Variants in TENM1 observed in about 807,000 individuals in gnomAD.
TENM1 encodes the protein teneurin transmembrane protein 1, also known as teneurin-1.
Under a neutral mutation model 174.8 loss-of-function variants are expected in TENM1, and 35 were observed. The ratio of observed to expected loss-of-function variants is 0.20; its 90% CI spans 0.15 to 0.27. The LOEUF is 0.27. TENM1 is among the 10% of genes least tolerant of loss of function. The pLI is 1.00. For missense variants in TENM1, 1,633 were observed against 2,130.1 expected, an observed-to-expected ratio of 0.77 and a Z score of 4.59; for synonymous variants, 781 against 798.7, an observed-to-expected ratio of 0.98 and a Z score of 0.37.
At chrX:124,714,376 T>C (rs1038593535) in intron 4 of TENM1, among the ~76,000 whole-genome samples, 2 of 112,262 alleles carry the variant, frequency 1.8e-5, no homozygotes, top group African/African-American at 6.5e-5. Flanking sequence ...TATTTTAAAA[T>C]CCATGCCTAC....
chrX:125,104,620 A>G, the TENM1 span, among the ~76,000 whole-genome samples: 1 of 97,203 alleles, frequency 1.0e-5, no homozygotes, highest in Non-Finnish European at 2.0e-5. Flanking sequence ...GACCCACTAA[A>G]GGGAAGAGCC....
At chrX:124,620,518 G>A (rs1388116472) in intron 11 of TENM1, among the ~76,000 whole-genome samples, 2 of 111,811 alleles carry the variant, frequency 1.8e-5, no homozygotes, top group African/African-American at 6.5e-5. Context: ...ACTTTCTAAT[G>A]TAAATTAAAA....
At chrX:124,952,359 TG>T (rs1205030989) in intron 1 of TENM1, among the ~76,000 whole-genome samples, 4 of 110,201 alleles carry the variant, frequency 3.6e-5, no homozygotes. Flanking sequence ...TGTGTGTGTG[TG>T]TGTGTGTGTA....
intron 3 of TENM1, among the ~76,000 whole-genome samples, chrX:124,764,662 G>C (rs928196267): frequency 9.5e-6 from 1 of 105,449 alleles, no homozygotes; most frequent in African/African-American, 3.5e-5. Flanking sequence ...ACATTTTTGA[G>C]GTATGCTTTG....
At chrX:124,791,194 G>T (rs1569445483) in intron 3 of TENM1, among the ~76,000 whole-genome samples, 1 of 111,741 alleles carries the variant, frequency 8.9e-6, no homozygotes, top group Non-Finnish European at 1.9e-5. Context: ...TCTGTTTTTA[G>T]TCCTATTCAC....
intron 1 of TENM1, among the ~76,000 whole-genome samples, chrX:124,944,340 A>C (rs1215760898): frequency 9.0e-6 from 1 of 111,687 alleles, no homozygotes. Flanking sequence ...AAGCATCCTG[A>C]TTAAAAAGCT....
intron 1 of TENM1, among the ~76,000 whole-genome samples, chrX:124,939,255 G>T (rs2058290706): frequency 9.0e-6 from 1 of 111,566 alleles, no homozygotes. Context: ...CCTTGACAAA[G>T]ACCACAAGAT....
intron 3 of TENM1, among the ~76,000 whole-genome samples, chrX:124,816,824 TTTATTA>T (rs1248284745): frequency 1.8e-5 from 2 of 111,239 alleles, no homozygotes; most frequent in Non-Finnish European, 3.8e-5. Flanking sequence ...TCTTTTTATT[TTTATTA>T]TTATTTTTAA....
chrX:124,508,521 A>C (rs765753970), intron 18 of TENM1, among the ~76,000 whole-genome samples: 14 of 112,209 alleles, frequency 1.2e-4, no homozygotes, highest in Admixed American at 8.5e-4. Flanking sequence ...GCAATCCCTG[A>C]CTTAAGATCT....
At chrX:124,453,422 T>G (rs751877326) in exon 23 of TENM1, 1 of 1,210,422 alleles carries the variant, frequency 8.3e-7, no homozygotes, top group South Asian at 1.8e-5. Flanking sequence ...GATCACAGCA[T>G]TCTCATCAAT....
the TENM1 span, among the ~76,000 whole-genome samples, chrX:125,155,571 G>T: frequency 9.0e-6 from 1 of 111,401 alleles, no homozygotes; most frequent in Non-Finnish European, 1.9e-5. Flanking sequence ...GGAGGCGGGC[G>T]GGGGGAGGGA....
At chrX:124,748,910 G>C (rs889883479) in intron 3 of TENM1, among the ~76,000 whole-genome samples, 1 of 111,397 alleles carries the variant, frequency 9.0e-6, no homozygotes, top group Non-Finnish European at 1.9e-5. Flanking sequence ...TTAGCAGAGT[G>C]CTTGGCACAT....
the TENM1 span, among the ~76,000 whole-genome samples, chrX:124,988,681 TA>T: frequency 6.3e-5 from 7 of 111,462 alleles, no homozygotes; most frequent in Admixed American, 9.5e-5. Context: ...GAGTAACATA[TA>T]AAAAAGGGTA....
intron 3 of TENM1, among the ~76,000 whole-genome samples, chrX:124,794,720 T>C (rs1196463872): frequency 9.0e-6 from 1 of 111,694 alleles, no homozygotes; most frequent in African/African-American, 3.3e-5. Flanking sequence ...CCTATTGTAC[T>C]TAGGAAAGCA....
At chrX:124,646,687 C>A (rs763070525) in intron 9 of TENM1, 22 bp downstream of exon 12, 1 of 1,082,106 alleles carries the variant, frequency 9.2e-7, no homozygotes, top group Non-Finnish European at 1.3e-6. Context: ...CTAAACCAAT[C>A]AGAATAACAG....
At chrX:124,431,586 G>C (rs1214372410) in intron 23 of TENM1, among the ~76,000 whole-genome samples, 1 of 112,103 alleles carries the variant, frequency 8.9e-6, no homozygotes, top group Non-Finnish European at 1.9e-5. Context: ...CTCATTTCTT[G>C]ACACTGATAC....
At chrX:125,163,770 C>A in the TENM1 span, among the ~76,000 whole-genome samples, 2 of 111,433 alleles carry the variant, frequency 1.8e-5, no homozygotes, top group African/African-American at 6.5e-5. Flanking sequence ...TAATTATAAA[C>A]CACTGAAAAT....
intron 3 of TENM1, among the ~76,000 whole-genome samples, chrX:124,849,768 TTTA>T (rs2056683148): frequency 8.9e-6 from 1 of 111,763 alleles, no homozygotes; most frequent in South Asian, 3.7e-4. Flanking sequence ...GTGATAATTT[TTTA>T]CACGGCAGTG....
At chrX:124,668,046 G>A (rs1299441987) in intron 6 of TENM1, among the ~76,000 whole-genome samples, 1 of 111,730 alleles carries the variant, frequency 9.0e-6, no homozygotes, top group East Asian at 2.8e-4. Context: ...TCTGTTGGCT[G>A]CATAAATGTC....
Sources: gnomAD v4.1 joint callset for allele counts (sites outside exome capture counted in the v4.1 genomes callset) on GRCh38, gnomAD v4.1.1 for gene constraint, MANE v1.5 for transcripts, NCBI Gene and HGNC (gene_info 2026-07-23, HGNC 2026-07-21) for gene names.